FBXL20: variants seen among roughly 807,000 people sequenced by gnomAD.
FBXL20 encodes the protein F-box and leucine rich repeat protein 20.
Under a neutral mutation model 64.0 loss-of-function variants are expected in FBXL20, and 11 were observed. That is an observed-to-expected ratio of 0.17 (90% CI 0.11 to 0.28). The LOEUF is 0.28. Among genes scored for constraint, FBXL20 ranks in the 10% least tolerant of loss-of-function variants. The pLI, the probability that FBXL20 is intolerant of heterozygous loss-of-function variation, is 1.00. For synonymous variants in FBXL20, 184 were observed against 189.0 expected (o/e 0.97, Z 0.22); for missense variants, 303 against 526.2 (o/e 0.58, Z 4.15).
intron 1 of FBXL20, among the ~76,000 whole-genome samples, chr17:39,343,499 A>G (rs1267589561): frequency 2.0e-5 from 3 of 152,164 alleles, no homozygotes; most frequent in African/African-American, 7.2e-5. Flanking sequence ...ATGTTTTCAC[A>G]TATTAATGGT....
intron 6 of FBXL20, among the ~76,000 whole-genome samples, chr17:39,291,081 C>A (rs1244644306): frequency 6.6e-6 from 1 of 151,738 alleles, no homozygotes; most frequent in Admixed American, 6.6e-5. Context: ...CCTGCCTCAG[C>A]CTCCAGAGCA....
intron 6 of FBXL20, among the ~76,000 whole-genome samples, chr17:39,287,571 T>TA (rs1404673684): frequency 6.6e-6 from 1 of 152,040 alleles, no homozygotes; most frequent in Non-Finnish European, 1.5e-5. Context: ...CACACCTAAT[T>TA]AAAAAAATTT....
chr17:39,317,851 G>A (rs756604198), intron 2 of FBXL20, among the ~76,000 whole-genome samples: 3 of 151,716 alleles, frequency 2.0e-5, no homozygotes, highest in Non-Finnish European at 4.4e-5. Context: ...ACAGGTGCAC[G>A]CCACCACGCC....
At chr17:39,392,620 T>C (rs1021421260) in intron 1 of FBXL20, among the ~76,000 whole-genome samples, 5 of 152,204 alleles carry the variant, frequency 3.3e-5, no homozygotes, top group African/African-American at 1.2e-4. Context: ...TTTTTGCCTG[T>C]CCTTCCTGCC....
intron 1 of FBXL20, among the ~76,000 whole-genome samples, chr17:39,355,150 CT>C (rs1220692459): frequency 3.9e-4 from 60 of 152,162 alleles, no homozygotes; most frequent in African/African-American, 1.4e-3. Context: ...AGGCTGGTCT[CT>C]TAACTCCTGA....
intron 2 of FBXL20, among the ~76,000 whole-genome samples, chr17:39,310,164 A>C (rs549334303): frequency 6.6e-6 from 1 of 151,420 alleles, no homozygotes. Flanking sequence ...AAAAAAAAAA[A>C]AAAAGAAAAG....
intron 10 of FBXL20, among the ~76,000 whole-genome samples, chr17:39,272,051 C>G (rs1475711583): frequency 6.6e-6 from 1 of 151,956 alleles, no homozygotes; most frequent in Admixed American, 6.6e-5. Flanking sequence ...GAGTTCAAGA[C>G]CAGCCTGGGC....
At chr17:39,335,187 T>C (rs141171099) in intron 2 of FBXL20, among the ~76,000 whole-genome samples, 1 of 152,148 alleles carries the variant, frequency 6.6e-6, no homozygotes, top group Non-Finnish European at 1.5e-5. Context: ...AATGATGTAA[T>C]GCATGTCTTA....
chr17:39,299,200 T>G, intron 4 of FBXL20, 116 bp from the exon 5 acceptor site: 1 of 707,042 alleles, frequency 1.4e-6, no homozygotes, highest in Non-Finnish European at 2.3e-6. Flanking sequence ...TATGACCTAA[T>G]TTAATAGGAA....
chr17:39,343,485 T>G (rs951509890), intron 1 of FBXL20, among the ~76,000 whole-genome samples: 1 of 152,170 alleles, frequency 6.6e-6, no homozygotes, highest in South Asian at 2.1e-4. Context: ...AGATACTGTT[T>G]CAGATGTTTT....
chr17:39,397,307 G>A (rs1366407680), intron 1 of FBXL20, among the ~76,000 whole-genome samples: 1 of 152,184 alleles, frequency 6.6e-6, no homozygotes, highest in Non-Finnish European at 1.5e-5. Flanking sequence ...ACGAAAGGCA[G>A]TGACGTATAA....
In FBXL20 at chr17:39,261,478, T is replaced by C; in HGVS notation, c.1293A>G (p.Arg431=). Residue 431 remains arginine (R), a synonymous_variant, in exon 15 of 15, where the codon AGA becomes AGG. Coordinates refer to ENST00000264658, the MANE Select transcript of FBXL20 (RefSeq NM_032875.3). ...TCCATTGTCATAGGATGATGCAGCATCTGCAGAAGCGCTGTCTGCTGCCCC... is the reference window on the plus strand; with the variant it reads ...TCCATTGTCATAGGATGATGCAGCACCTGCAGAAGCGCTGTCTGCTGCCCC... ...SVGGSRQRFC[R]CCIIL 2 of 1,613,534 alleles carry C rather than the reference T, an allele frequency of 1.2e-6. No individual in the cohort carries two copies. The highest frequency in any genetic ancestry group is 1.7e-6 in the Non-Finnish European group (2 of 1,179,446).
rs138100680 is a variant in FBXL20, at chr17:39,282,719, G to C, written c.621+10C>G. 1.7e-5 allele frequency: 28 copies of C among 1,614,078 alleles called. No homozygotes were observed. In the East Asian group the frequency reaches 5.6e-4, roughly 32 times the overall value. ...CTTCCGAATTTCACGAGCCCTACAT[G>C]GAGTATTACCTGCGTGCAGCCTTTT... On this transcript the variant is annotated intron_variant, in intron 8 of 14. Transcript: ENST00000264658.
intron 12 of FBXL20, among the ~76,000 whole-genome samples, chr17:39,268,535 C>T (rs1230175019): frequency 2.0e-5 from 3 of 152,142 alleles, no homozygotes; most frequent in Non-Finnish European, 4.4e-5. Context: ...TAATTATTTA[C>T]TAGCATCATA....
chr17:39,392,520 G>A (rs1489395233), intron 1 of FBXL20, among the ~76,000 whole-genome samples: 1 of 151,566 alleles, frequency 6.6e-6, no homozygotes, highest in Non-Finnish European at 1.5e-5. Context: ...ACAGTGCGTT[G>A]GCTTTTCTTG....
chr17:39,309,032 A>G (rs1040876723), intron 2 of FBXL20, among the ~76,000 whole-genome samples: 1 of 152,222 alleles, frequency 6.6e-6, no homozygotes, highest in Non-Finnish European at 1.5e-5. Flanking sequence ...TGAGGCTTTT[A>G]AAAGTCTAGG....
chr17:39,383,175 A>G (rs550920892), intron 1 of FBXL20, among the ~76,000 whole-genome samples: 15 of 151,846 alleles, frequency 9.9e-5, no homozygotes, highest in Admixed American at 3.9e-4. Flanking sequence ...AAAAAAAAAA[A>G]AAAAGAAAAA....
chr17:39,297,009 C>T, intron 6 of FBXL20, 118 bp downstream of exon 6: 1 of 554,328 alleles, frequency 1.8e-6, no homozygotes. Context: ...CTAAAAATAT[C>T]TTTCCTCTAC....
At chr17:39,397,916 C>T (rs1241402125) in intron 1 of FBXL20, among the ~76,000 whole-genome samples, 1 of 150,882 alleles carries the variant, frequency 6.6e-6, no homozygotes, top group African/African-American at 2.4e-5. Flanking sequence ...GCAATTTGAA[C>T]ACCTTACTTA....
Sources: gnomAD v4.1 joint callset for allele counts (sites outside exome capture counted in the v4.1 genomes callset) on GRCh38, gnomAD v4.1.1 for gene constraint, MANE v1.5 for transcripts, NCBI Gene and HGNC (gene_info 2026-07-23, HGNC 2026-07-21) for gene names.